The following DNM1 variants were observed in gnomAD, a reference collection of about 807,000 sequenced individuals.
DNM1 encodes the protein dynamin-1.
In DNM1, 29 loss-of-function variants were observed where a neutral mutation model predicts 104.6. The observed-to-expected ratio is 0.28, with a 90% CI of 0.21 to 0.38. The LOEUF (loss-of-function observed/expected upper bound fraction) is 0.38. Among genes scored for constraint, DNM1 ranks in the 10% least tolerant of loss-of-function variants. The pLI is 1.00. For synonymous variants in DNM1, 445 were observed against 475.8 expected (o/e 0.94, Z 0.84); for missense variants, 640 against 1,189.4 (o/e 0.54, Z 6.79).
Position 128,247,067 on chromosome 9 carries a change from TGGGA to T in DNM1, c.1782-307_1782-304del, listed in dbSNP as rs940992212. ...CTTAGAGAGCCACGGAGAAAGCTGG[TGGGA>T]TCTGGGCCCCAAGCTAGAGACTTCA... On this transcript the variant is annotated intron_variant, in intron 16 of 21. Coordinates refer to ENST00000372923, the MANE Select transcript of DNM1 (RefSeq NM_004408.4). This position sits in a 1 kb window ranked among gnomAD's most constrained non-coding sequence, Gnocchi z 5.1. 4 of 269,052 alleles carry T rather than the reference TGGGA, an allele frequency of 1.5e-5. No homozygotes were observed. Among genetic ancestry groups the T allele is most frequent in the African/African-American group, 8.6e-5 (4 of 46,332 alleles). 16.7% of individuals were successfully genotyped at this position (269,052 alleles called of 1,614,324 possible).
intron 15 of DNM1, 97 bp downstream of exon 15, chr9:128,242,442 AG>A: frequency 4.4e-6 from 3 of 689,384 alleles, no homozygotes; most frequent in Non-Finnish European, 7.7e-6. Flanking sequence ...ACCATGGAAT[AG>A]GGTTTTAAAA....
At chr9:128,252,208 C>T (rs1340857215) in intron 21 of DNM1, 8 of 249,666 alleles carry the variant, frequency 3.2e-5, no homozygotes, top group Non-Finnish European at 5.5e-5. Flanking sequence ...CAGATGCAGC[C>T]GTAGGAGCAC....
chr9:128,254,487 GCC>G lies in DNM1; in HGVS notation c.2535-164_2535-163del. The G allele has an allele frequency of 6.6e-7, 1 of 1,511,098 alleles. No homozygotes were observed. Among genetic ancestry groups the G allele is most frequent in the Non-Finnish European group, 8.8e-7 (1 of 1,138,104 alleles). The allele number at this position is 1,511,098 out of a possible 1,614,324, so 93.6% of individuals were successfully genotyped here. On this transcript the variant is annotated intron_variant, in intron 21 of 21. Transcript: ENST00000372923. The surrounding 1 kb of genome is among the most constrained non-coding windows in gnomAD (Gnocchi z 6.1). Reference sequence around the variant, plus strand: ...CCATCTTCCTCCCCTTTCCCTTCCAGCCCCTTTTCCAGGAACCTTGCCACACC... The same window carrying G: ...CCATCTTCCTCCCCTTTCCCTTCCAGCCTTTTCCAGGAACCTTGCCACACC...
In DNM1 at chr9:128,248,838, C is replaced by A. The variant is rs1191543970; in HGVS notation, c.2076+85C>A. ...ATGTTGGCCTGGGGGAGATGCCAAC[C>A]AGCCCTATGGGACCAGGTCCAGGGA... On this transcript the variant is annotated intron_variant, in intron 19 of 21. Transcript: ENST00000372923. This position sits in a 1 kb window ranked among gnomAD's most constrained non-coding sequence, Gnocchi z 5.6. The A allele has an allele frequency of 3.4e-6, 5 of 1,456,216 alleles. No homozygotes were observed. The African/African-American group carries it at 6.9e-5, about 20-fold the overall frequency. The allele number at this position is 1,456,216 out of a possible 1,614,324, so 90.2% of individuals were successfully genotyped here.
At chr9:128,241,967 C>T (rs921243834) in intron 14 of DNM1, among the ~76,000 whole-genome samples, 2 of 152,190 alleles carry the variant, frequency 1.3e-5, no homozygotes, top group Admixed American at 6.5e-5. Context: ...GGAGCTCATC[C>T]CCTACCCAGG....
At chr9:128,235,086 C>T (rs962497708) in intron 11 of DNM1, among the ~76,000 whole-genome samples, 2 of 152,114 alleles carry the variant, frequency 1.3e-5, no homozygotes, top group Admixed American at 6.5e-5. Context: ...AGCCACCGTG[C>T]CTGGCCTGTC....
At chr9:128,239,576 G>C in intron 12 of DNM1, 61 bp downstream of exon 12, 1 of 900,356 alleles carries the variant, frequency 1.1e-6, no homozygotes, top group African/African-American at 2.9e-5. Flanking sequence ...ACGTGTGTGT[G>C]TGTGTGTGTG....
Position 128,248,308 on chromosome 9 carries a change from A to G in DNM1, c.1906-275A>G. On this transcript the variant is annotated intron_variant, in intron 18 of 21. Transcript: ENST00000372923. The surrounding 1 kb of genome is among the most constrained non-coding windows in gnomAD (Gnocchi z 5.6). ...CACTGCACTCCAGCCTGGGTGACAA[A>G]GCAAGACTTTCTCAAAATAATAATA... The G allele has an allele frequency of 2.0e-6, 1 of 487,816 alleles. No homozygotes were observed. Among genetic ancestry groups the G allele is most frequent in the Non-Finnish European group, 3.7e-6 (1 of 273,086 alleles). The allele number at this position is 487,816 out of a possible 1,614,324, so 30.2% of individuals were successfully genotyped here.
In DNM1 at chr9:128,250,767, C is replaced by T. The variant is rs1041513039; in HGVS notation, c.2361C>T (p.Ala787=). The change falls in exon 21 of 22, where the codon GCC becomes GCT. Residue 787 remains alanine, a synonymous_variant. Transcript: ENST00000372923. ...CCACGCCGCAGCGCCGAGCCCCCGC[C>T]GTGCCCCCAGCCCGGCCCGGGTCGC... The part of the protein sequence containing the change: ...SSPTPQRRAP[A]VPPARPGSRG... 1.7e-5 allele frequency: 24 copies of T among 1,416,128 alleles called. No individual in the cohort carries two copies. The highest frequency in any genetic ancestry group is 5.8e-5 in the Admixed American group (2 of 34,246). 87.7% of individuals were successfully genotyped at this position (1,416,128 alleles called of 1,614,324 possible).
chr9:128,204,642 T>C (rs1833794057), intron 1 of DNM1, among the ~76,000 whole-genome samples: 1 of 151,656 alleles, frequency 6.6e-6, no homozygotes, highest in African/African-American at 2.4e-5. Context: ...AGAAGAAAGA[T>C]AGGAGCTCTC....
Position 128,203,414 on chromosome 9 carries a change from T to TCGGAGCCGGGAGC in DNM1, c.-56_-44dup. Reference sequence around the variant, plus strand: ...CGCGGCTGCAGCGGCGGAGCCGGAGTCGGAGCCGGGAGCGCTAGCGGCAGC... The same window carrying TCGGAGCCGGGAGC: ...CGCGGCTGCAGCGGCGGAGCCGGAGTCGGAGCCGGGAGCCGGAGCCGGGAGCGCTAGCGGCAGC... On this transcript the variant is annotated 5_prime_UTR_variant, in exon 1 of 22. Transcript: ENST00000372923. The surrounding 1 kb of genome is among the most constrained non-coding windows in gnomAD (Gnocchi z 5.3). The TCGGAGCCGGGAGC allele has an allele frequency of 7.3e-7, 1 of 1,361,452 alleles. No individual in the cohort carries two copies. The highest frequency in any genetic ancestry group is 1.6e-5 in the South Asian group (1 of 61,106). 84.3% of individuals were successfully genotyped at this position (1,361,452 alleles called of 1,614,324 possible).
At chr9:128,221,139 G>T (rs1390050286) in intron 6 of DNM1, 1 of 150,722 alleles carries the variant, frequency 6.6e-6, no homozygotes, top group East Asian at 1.9e-4. Context: ...ACCCAGGCTG[G>T]AGTGCAATGG....
intron 1 of DNM1, among the ~76,000 whole-genome samples, chr9:128,206,925 G>A (rs1039442227): frequency 6.6e-6 from 1 of 152,076 alleles, no homozygotes; most frequent in African/African-American, 2.4e-5. Flanking sequence ...GAGACTGGTG[G>A]GGAGGCTGCT....
At position 128,218,971 on chromosome 9, in the gene DNM1, C is replaced by T. The variant is rs1386858747; in HGVS notation, c.386-78C>T. The T allele has an allele frequency of 6.5e-7, 1 of 1,539,852 alleles. No homozygotes were observed. Among genetic ancestry groups the T allele is most frequent in the South Asian group, 1.1e-5 (1 of 88,162 alleles). ...GCCACCCTGCTCCCAAGCAGCTTCTCTAACCCCGCCCTATTCTTTAACCTC... is the reference window on the plus strand; with the variant it reads ...GCCACCCTGCTCCCAAGCAGCTTCTTTAACCCCGCCCTATTCTTTAACCTC... On this transcript the variant is annotated intron_variant, in intron 3 of 21. Transcript: ENST00000372923. The surrounding 1 kb of genome is among the most constrained non-coding windows in gnomAD (Gnocchi z 4.8).
At chr9:128,219,743 G>A (rs569321603) in intron 4 of DNM1, among the ~76,000 whole-genome samples, 38 of 152,302 alleles carry the variant, frequency 2.5e-4, no homozygotes, top group Non-Finnish European at 4.3e-4. Context: ...TGGGAGGATC[G>A]CTTGAAGCCA....
At position 128,218,349 on chromosome 9, in the gene DNM1, C is replaced by G. The variant is rs1485278889; in HGVS notation, c.235+45C>G. 6.2e-6 allele frequency: 10 copies of G among 1,602,672 alleles called. No homozygotes were observed. Among genetic ancestry groups the G allele is most frequent in the Non-Finnish European group, 7.7e-6 (9 of 1,169,562 alleles). On this transcript the variant is annotated intron_variant, in intron 2 of 21. Coordinates refer to ENST00000372923, the MANE Select transcript of DNM1 (RefSeq NM_004408.4). This position sits in a 1 kb window ranked among gnomAD's most constrained non-coding sequence, Gnocchi z 4.8. ...AGCAGCCAGGCCTGCCCACTCCAGC[C>G]TCTCCCCCGTCCCCAAGCTGAGGGC...
chr9:128,232,248 G>A, intron 10 of DNM1: 1 of 338,104 alleles, frequency 3.0e-6, no homozygotes. Flanking sequence ...AGGCCTGGTG[G>A]CTGTGACCCA....
chr9:128,241,026 A>T (rs772950150), intron 14 of DNM1: 1 of 152,404 alleles, frequency 6.6e-6, no homozygotes, highest in Non-Finnish European at 1.5e-5. Flanking sequence ...CCCTGTGGGG[A>T]TCCTCGCCTG....
chr9:128,252,486 G>C lies in DNM1; in HGVS notation c.2534+1546G>C, dbSNP rs941866897. The C allele has an allele frequency of 1.0e-5, 4 of 400,210 alleles. No homozygotes were observed. In the Admixed American group the frequency reaches 1.2e-4, roughly 12 times the overall value. The allele number at this position is 400,210 out of a possible 1,614,324, so 24.8% of individuals were successfully genotyped here. A position where few individuals can be genotyped will look rare whatever the true frequency, so the allele number is the denominator to read the frequency against. ...GGAATCAGGAGGGTATCTGGGCCAA[G>C]AGCTGCAGTGTGGGCAGAGGTGTAG... On this transcript the variant is annotated intron_variant, in intron 21 of 21. Transcript: ENST00000372923.
Sources: gnomAD v4.1 joint callset for allele counts (sites outside exome capture counted in the v4.1 genomes callset) on GRCh38, gnomAD v4.1.1 for gene constraint, Gnocchi (gnomAD v3.1) non-coding constraint, MANE v1.5 for transcripts, NCBI Gene and HGNC (gene_info 2026-07-23, HGNC 2026-07-21) for gene names.